The following KHDRBS2 variants were observed in gnomAD, a reference collection of about 807,000 sequenced individuals.
KHDRBS2 encodes KH domain-containing, RNA-binding, signal transduction-associated protein 2.
In KHDRBS2, 26 loss-of-function variants were observed where a neutral mutation model predicts 44.3. The observed-to-expected ratio is 0.59, with a 90% CI of 0.43 to 0.81. The LOEUF (loss-of-function observed/expected upper bound fraction) is 0.81. Ranked by LOEUF, KHDRBS2 falls within the 40% of genes least tolerant of loss-of-function variation. The pLI, the probability that KHDRBS2 is intolerant of heterozygous loss-of-function variation, is 0.00. For synonymous variants in KHDRBS2, 194 were observed against 151.1 expected, an observed-to-expected ratio of 1.28 and a Z score of -2.08; for missense variants, 476 against 433.1, an observed-to-expected ratio of 1.10 and a Z score of -0.88.
At chr6:61,648,222 C>A in the KHDRBS2 span, among the ~76,000 whole-genome samples, 3 of 151,962 alleles carry the variant, frequency 2.0e-5, no homozygotes, top group Middle Eastern at 0.01. Context: ...GAACTAGGTG[C>A]CTTGCTAATT....
At chr6:61,804,891 G>A (rs1161769826) in intron 6 of KHDRBS2, among the ~76,000 whole-genome samples, 1 of 152,146 alleles carries the variant, frequency 6.6e-6, no homozygotes, top group Non-Finnish European at 1.5e-5. Flanking sequence ...GAAGGCCTCT[G>A]ACATGCCCTG....
intron 6 of KHDRBS2, among the ~76,000 whole-genome samples, chr6:61,762,231 T>G (rs1779368658): frequency 6.6e-6 from 1 of 152,230 alleles, no homozygotes; most frequent in African/African-American, 2.4e-5. Flanking sequence ...TAATTGATTC[T>G]CAGATATGAG....
intron 7 of KHDRBS2, among the ~76,000 whole-genome samples, chr6:61,712,713 G>C (rs941968849): frequency 2.0e-5 from 3 of 151,802 alleles, no homozygotes; most frequent in Non-Finnish European, 4.4e-5. Flanking sequence ...TGTTTACACA[G>C]TACTTAATAC....
the KHDRBS2 span, among the ~76,000 whole-genome samples, chr6:61,607,315 A>C: frequency 6.6e-6 from 1 of 151,624 alleles, no homozygotes; most frequent in Non-Finnish European, 1.5e-5. Context: ...TAACATGCTA[A>C]TACTGCACAA....
At chr6:61,850,367 T>C (rs1383004698) in intron 6 of KHDRBS2, among the ~76,000 whole-genome samples, 1 of 151,882 alleles carries the variant, frequency 6.6e-6, no homozygotes, top group African/African-American at 2.4e-5. Flanking sequence ...GCCTAGTGCT[T>C]GGGAAAAAAA....
Position 61,940,481 on chromosome 6 carries a change from AG to A in KHDRBS2, c.483+37584del, listed in dbSNP as rs1811928570. On this transcript the variant is annotated intron_variant, in intron 4 of 8. Coordinates refer to ENST00000281156, the MANE Select transcript of KHDRBS2 (RefSeq NM_152688.4). ...GCAATGGAACTGCTCCAGGGAGTGG[AG>A]GGTGGTTGTGCTGGGTCCCACATGC... Among the ~76,000 whole-genome samples, 3 of 152,212 alleles carry A rather than the reference AG, an allele frequency of 2.0e-5. No individual in the cohort carries two copies. In the South Asian group the frequency reaches 6.2e-4, roughly 32 times the overall value.
intron 3 of KHDRBS2, among the ~76,000 whole-genome samples, chr6:62,034,900 A>C (rs867234697): frequency 1.2e-4 from 18 of 151,956 alleles, no homozygotes; most frequent in African/African-American, 4.3e-4. Flanking sequence ...CACATCATTG[A>C]TCATCAGAGT....
rs546234140 is a variant in KHDRBS2 at position 62,257,353 on chromosome 6, C to T, written c.91+28505G>A. On this transcript the variant is annotated intron_variant, in intron 1 of 8. Transcript: ENST00000281156. ...TAGCACATAACCAGTGCTATACACA[C>T]TGATTCCTTCTTTTGTATAAGGTTG... 8.5e-5 allele frequency among the ~76,000 whole-genome samples: 13 copies of T among 152,170 alleles called. No homozygotes were observed. In the South Asian group the frequency reaches 2.5e-3, roughly 29 times the overall value.
intron 6 of KHDRBS2, among the ~76,000 whole-genome samples, chr6:61,838,075 C>A (rs531583004): frequency 1.3e-5 from 2 of 152,052 alleles, no homozygotes; most frequent in East Asian, 3.9e-4. Flanking sequence ...AAAGGAAGGG[C>A]ACTAATTTAA....
chr6:61,726,809 A>T (rs1236319256), intron 7 of KHDRBS2, among the ~76,000 whole-genome samples: 1 of 152,178 alleles, frequency 6.6e-6, no homozygotes, highest in African/African-American at 2.4e-5. Flanking sequence ...ATGCTTATGG[A>T]TAGGAAGAAT....
At chr6:61,968,028 A>G (rs1228646631) in intron 4 of KHDRBS2, among the ~76,000 whole-genome samples, 5 of 151,104 alleles carry the variant, frequency 3.3e-5, no homozygotes, top group South Asian at 2.1e-4. Context: ...CTCACAGTGC[A>G]TGGCACAGTA....
At chr6:61,955,480 A>G (rs1338039184) in intron 4 of KHDRBS2, among the ~76,000 whole-genome samples, 1 of 53,348 alleles carries the variant, frequency 1.9e-5, no homozygotes, top group Non-Finnish European at 4.0e-5. Context: ...ATATACACAT[A>G]TGTATGTATG....
chr6:61,788,535 T>C (rs1784170496), intron 6 of KHDRBS2, among the ~76,000 whole-genome samples: 1 of 151,440 alleles, frequency 6.6e-6, no homozygotes, highest in Non-Finnish European at 1.5e-5. Flanking sequence ...TATTCCTATT[T>C]GGTTTTTGAA....
chr6:62,180,989 G>A (rs1373515383), intron 1 of KHDRBS2, among the ~76,000 whole-genome samples: 1 of 148,116 alleles, frequency 6.8e-6, no homozygotes, highest in Non-Finnish European at 1.5e-5. Flanking sequence ...ATGTCCACAT[G>A]CACAACAATA....
the KHDRBS2 span, among the ~76,000 whole-genome samples, chr6:61,640,947 CTT>C: frequency 1.3e-5 from 2 of 152,108 alleles, no homozygotes; most frequent in Non-Finnish European, 2.9e-5. Flanking sequence ...ACAAACTCCT[CTT>C]TATTACTCCT....
At chr6:61,607,520 CAAAAA>C in the KHDRBS2 span, among the ~76,000 whole-genome samples, 6 of 41,110 alleles carry the variant, frequency 1.5e-4, no homozygotes, top group Non-Finnish European at 2.1e-4. Flanking sequence ...GAGTTCCAAG[CAAAAA>C]AAAAAAAAAA....
chr6:62,183,066 C>A (rs955876998), intron 1 of KHDRBS2, among the ~76,000 whole-genome samples: 2 of 151,654 alleles, frequency 1.3e-5, no homozygotes, highest in African/African-American at 4.8e-5. Context: ...TTTATCGGAC[C>A]TCAAAATAGA....
downstream of KHDRBS2, among the ~76,000 whole-genome samples, chr6:61,676,736 T>G (rs1456873458): frequency 6.6e-6 from 1 of 151,736 alleles, no homozygotes; most frequent in Non-Finnish European, 1.5e-5. Flanking sequence ...CCTCCCAGAC[T>G]CCCCTTTAGT....
chr6:61,706,751 A>G (rs1454924896), intron 7 of KHDRBS2, among the ~76,000 whole-genome samples: 1 of 151,812 alleles, frequency 6.6e-6, no homozygotes, highest in East Asian at 1.9e-4. Flanking sequence ...CAAGGTATGC[A>G]TGAACAGAAT....
Sources: gnomAD v4.1 joint callset for allele counts (sites outside exome capture counted in the v4.1 genomes callset) on GRCh38, gnomAD v4.1.1 for gene constraint, MANE v1.5 for transcripts, NCBI Gene and HGNC (gene_info 2026-07-23, HGNC 2026-07-21) for gene names.